The following ATP10B variants were observed in gnomAD, a reference collection of about 807,000 sequenced individuals.
The protein encoded by ATP10B is ATPase phospholipid transporting 10B (putative), also known as phospholipid-transporting ATPase VB.
A neutral mutation model predicts 141.2 loss-of-function variants in ATP10B; 122 were observed. The ratio of observed to expected loss-of-function variants is 0.86; its 90% CI spans 0.75 to 1.00. The LOEUF is 1.00. ATP10B is among the 50% of genes least tolerant of loss of function. The pLI is 0.00. For synonymous variants in ATP10B, 685 were observed against 692.0 expected, an observed-to-expected ratio of 0.99 and a Z score of 0.16; for missense variants, 1,876 against 1,825.3, an observed-to-expected ratio of 1.03 and a Z score of -0.51.
At chr5:160,793,921 T>G (rs1344491140) in intron 1 of ATP10B, among the ~76,000 whole-genome samples, 1 of 152,110 alleles carries the variant, frequency 6.6e-6, no homozygotes, top group Non-Finnish European at 1.5e-5. Context: ...TACAGGCTTG[T>G]AGCCTAGGAG....
chr5:160,913,647 C>T, the ATP10B span, among the ~76,000 whole-genome samples: 1 of 152,110 alleles, frequency 6.6e-6, no homozygotes, highest in Non-Finnish European at 1.5e-5. Context: ...GAAGAAAGTG[C>T]TGGCAAAAAA....
At chr5:160,642,895 A>C (rs1759978163) in intron 9 of ATP10B, among the ~76,000 whole-genome samples, 1 of 152,126 alleles carries the variant, frequency 6.6e-6, no homozygotes, top group South Asian at 2.1e-4. Flanking sequence ...CATGGTTAAC[A>C]CTCCATATCT....
the ATP10B span, among the ~76,000 whole-genome samples, chr5:160,912,607 AAAGAGAAAAGAAAAG>A: frequency 9.9e-5 from 15 of 151,852 alleles, no homozygotes; most frequent in African/African-American, 2.2e-4. Flanking sequence ...AAAGAAAAGA[AAAGAGAAAAGAAAAG>A]AAGAGAAAAG....
chr5:160,817,392 C>G (rs1168428586), intron 1 of ATP10B, among the ~76,000 whole-genome samples: 1 of 152,096 alleles, frequency 6.6e-6, no homozygotes, highest in Admixed American at 6.6e-5. Context: ...GAGTGAACTC[C>G]CATTCACAAT....
the ATP10B span, among the ~76,000 whole-genome samples, chr5:160,887,343 G>A: frequency 1.3e-5 from 2 of 152,040 alleles, no homozygotes; most frequent in African/African-American, 4.8e-5. Flanking sequence ...ATACATTATT[G>A]TTTAGGGAAT....
At chr5:160,770,968 C>T (rs1415954062) in intron 2 of ATP10B, among the ~76,000 whole-genome samples, 1 of 152,190 alleles carries the variant, frequency 6.6e-6, no homozygotes, top group Admixed American at 6.5e-5. Context: ...ACATTATTTT[C>T]TATCCTTTTT....
chr5:160,843,902 A>T (rs1775957190), intron 1 of ATP10B, among the ~76,000 whole-genome samples: 1 of 151,778 alleles, frequency 6.6e-6, no homozygotes, highest in Non-Finnish European at 1.5e-5. Context: ...ACTTTTCTGT[A>T]ATTTATTTTC....
chr5:160,583,831 G>C (rs1445115645), intron 24 of ATP10B, among the ~76,000 whole-genome samples: 2 of 152,156 alleles, frequency 1.3e-5, no homozygotes, highest in Non-Finnish European at 2.9e-5. Context: ...TACACTGTGA[G>C]GGGAATACCA....
At chr5:160,752,334 G>A (rs1009670703) in intron 2 of ATP10B, among the ~76,000 whole-genome samples, 3 of 152,092 alleles carry the variant, frequency 2.0e-5, no homozygotes, top group African/African-American at 7.2e-5. Context: ...ACTGACCTGT[G>A]AAAGGTTACA....
intron 24 of ATP10B, among the ~76,000 whole-genome samples, chr5:160,571,357 G>A (rs1303030605): frequency 1.3e-5 from 2 of 152,030 alleles, no homozygotes; most frequent in Non-Finnish European, 2.9e-5. Context: ...GAAACTTATA[G>A]TTATTGTAGT....
chr5:160,597,699 GA>G (rs2127620169), intron 22 of ATP10B, among the ~76,000 whole-genome samples: 1 of 151,858 alleles, frequency 6.6e-6, no homozygotes, highest in Admixed American at 6.6e-5. Context: ...AAATTTACAA[GA>G]AAAAAATAAA....
the ATP10B span, among the ~76,000 whole-genome samples, chr5:160,888,352 A>G: frequency 6.6e-6 from 1 of 152,202 alleles, no homozygotes; most frequent in Non-Finnish European, 1.5e-5. Context: ...AGGCAGCACC[A>G]ATTTTCAGAC....
chr5:160,791,086 C>T (rs1287649775), intron 1 of ATP10B, among the ~76,000 whole-genome samples: 1 of 150,894 alleles, frequency 6.6e-6, no homozygotes, highest in Non-Finnish European at 1.5e-5. Flanking sequence ...AAATATGGGC[C>T]TGCAGTCCTA....
rs543835604 is a variant in ATP10B at position 160,632,501 on chromosome 5, C to G, written c.1382-134G>C. 7 of 753,662 alleles carry G rather than the reference C, an allele frequency of 9.3e-6. No individual in the cohort carries two copies. In the African/African-American group the frequency reaches 1.0e-4, roughly 11 times the overall value. 46.7% of individuals were successfully genotyped at this position (753,662 alleles called of 1,614,324 possible). On this transcript the variant is annotated intron_variant, in intron 12 of 25. Coordinates refer to ENST00000327245, the MANE Select transcript of ATP10B (RefSeq NM_025153.3). ...CTACTCTGAAAAATTGGCATCTGGG[C>G]TACCAAGACTGGAGAAAGAAGGGTA...
At chr5:160,698,880 T>A (rs552877648) in intron 3 of ATP10B, among the ~76,000 whole-genome samples, 3 of 152,156 alleles carry the variant, frequency 2.0e-5, no homozygotes, top group Non-Finnish European at 4.4e-5. Context: ...GAGGCAGGCG[T>A]GAATCCAGAA....
intron 1 of ATP10B, among the ~76,000 whole-genome samples, chr5:160,798,790 A>C (rs913951109): frequency 1.6e-5 from 2 of 126,894 alleles, no homozygotes; most frequent in Admixed American, 1.0e-4. Context: ...TTACTCTGTC[A>C]CCCAGGCTGG....
chr5:160,757,995 C>A (rs957684480), intron 2 of ATP10B, among the ~76,000 whole-genome samples: 3 of 152,142 alleles, frequency 2.0e-5, no homozygotes, highest in South Asian at 2.1e-4. Context: ...GGTAAAATCA[C>A]CCTGGTTGAG....
chr5:160,868,125 C>T, the ATP10B span, among the ~76,000 whole-genome samples: 1 of 152,040 alleles, frequency 6.6e-6, no homozygotes. Context: ...TGTGAAGCTC[C>T]GGTACAAAAA....
At chr5:160,741,493 C>T (rs563366799) in intron 2 of ATP10B, among the ~76,000 whole-genome samples, 319 of 152,254 alleles carry the variant, frequency 2.1e-3, no homozygotes, top group Non-Finnish European at 3.9e-3. Flanking sequence ...GCAGTTCCTT[C>T]TTTTCTAGGA....
Sources: allele counts gnomAD v4.1 joint callset (sites outside exome capture counted in the v4.1 genomes callset), GRCh38; gene constraint gnomAD v4.1.1; transcripts MANE v1.5; gene names NCBI Gene and HGNC (gene_info 2026-07-23, HGNC 2026-07-21).